GUCY1A2: variants seen among roughly 807,000 people sequenced by gnomAD.
The protein encoded by GUCY1A2 is guanylate cyclase soluble subunit alpha-2.
GUCY1A2 carries 27 observed loss-of-function variants against 63.5 expected under a neutral mutation model. That is an observed-to-expected ratio of 0.43 (90% CI 0.31 to 0.59). GUCY1A2 has a LOEUF of 0.59. Among genes scored for constraint, GUCY1A2 ranks in the 20% least tolerant of loss-of-function variants. The probability of loss-of-function intolerance (pLI) is 0.11; values close to 1 mark genes in which losing one functional copy is unlikely to be tolerated. For missense variants in GUCY1A2, 768 were observed against 913.3 expected (o/e 0.84, Z 2.05); for synonymous variants, 364 against 343.5 (o/e 1.06, Z -0.66).
rs367704243 is a variant in GUCY1A2 at position 106,795,362 on chromosome 11, A to T, written c.1692+14631T>A. On this transcript the variant is annotated intron_variant, in intron 5 of 7. Transcript: ENST00000526355. Reference sequence around the variant, plus strand: ...ATGAGGCGATGACACTAATTATGGAATTTGGTAAGGGAAAAAGAGAGAAGC... The same window carrying T: ...ATGAGGCGATGACACTAATTATGGATTTTGGTAAGGGAAAAAGAGAGAAGC... Among the ~76,000 whole-genome samples, 4 of 152,308 alleles carry T rather than the reference A, an allele frequency of 2.6e-5. No homozygotes were observed. In the East Asian group the frequency reaches 5.8e-4, roughly 22 times the overall value.
At chr11:106,734,549 C>T (rs1425673376) in intron 6 of GUCY1A2, among the ~76,000 whole-genome samples, 7 of 152,052 alleles carry the variant, frequency 4.6e-5, no homozygotes, top group Non-Finnish European at 8.8e-5. Flanking sequence ...CTTAGTATTT[C>T]CTTTAACAAC....
chr11:106,798,487 T>C (rs1864809434), intron 5 of GUCY1A2, among the ~76,000 whole-genome samples: 1 of 152,122 alleles, frequency 6.6e-6, no homozygotes, highest in Non-Finnish European at 1.5e-5. Flanking sequence ...ACCAATATCC[T>C]TGATGAACAT....
At chr11:106,722,526 A>C (rs774098560) in intron 6 of GUCY1A2, among the ~76,000 whole-genome samples, 1 of 152,114 alleles carries the variant, frequency 6.6e-6, no homozygotes, top group Non-Finnish European at 1.5e-5. Context: ...ACAAAATAAA[A>C]GAATAATAGA....
rs1862443311 is a variant in GUCY1A2 at position 106,682,161 on chromosome 11, C to T, written c.*5388G>A. The T allele has an allele frequency of 4.8e-6, 1 of 209,352 alleles. No individual in the cohort carries two copies. Among genetic ancestry groups the T allele is most frequent in the African/African-American group, 2.3e-5 (1 of 42,576 alleles). 13.0% of individuals were successfully genotyped at this position (209,352 alleles called of 1,614,324 possible). A position where few individuals can be genotyped will look rare whatever the true frequency, so the allele number is the denominator to read the frequency against. ...GTCTCTAAGTTTGAAGATTCATGCT[C>T]AGAAAGAAGACCACAAATTGGAAAT... On this transcript the variant is annotated 3_prime_UTR_variant, in exon 8 of 8. Coordinates refer to ENST00000526355, the MANE Select transcript of GUCY1A2 (RefSeq NM_000855.3).
chr11:106,967,700 CAGGAAGGA>C, intron 3 of GUCY1A2, among the ~76,000 whole-genome samples: 1 of 115,076 alleles, frequency 8.7e-6, no homozygotes. Flanking sequence ...AAAAGGGAGG[CAGGAAGGA>C]AGGAAGGAAT....
chr11:106,685,493 A>G lies in GUCY1A2; in HGVS notation c.*2056T>C, dbSNP rs925200281. On this transcript the variant is annotated 3_prime_UTR_variant, in exon 8 of 8. Transcript: ENST00000526355. ...GGAAGTCCCTTTCAGCCTTATGGTT[A>G]CAAAACACATTGTTCATCACCAACA... 3 of 224,708 alleles carry G rather than the reference A, an allele frequency of 1.3e-5. No homozygotes were observed. The highest frequency in any genetic ancestry group is 4.5e-5 in the African/African-American group (2 of 44,866). The allele number at this position is 224,708 out of a possible 1,614,324, so 13.9% of individuals were successfully genotyped here.
intron 4 of GUCY1A2, among the ~76,000 whole-genome samples, chr11:106,924,836 C>A (rs1166926106): frequency 1.3e-5 from 2 of 151,952 alleles, no homozygotes; most frequent in Non-Finnish European, 2.9e-5. Context: ...GAAACCCCAT[C>A]TCTACAAAAA....
At chr11:106,780,984 A>G (rs1170769592) in intron 5 of GUCY1A2, among the ~76,000 whole-genome samples, 1 of 152,120 alleles carries the variant, frequency 6.6e-6, no homozygotes, top group Non-Finnish European at 1.5e-5. Context: ...ATTCCTTCAA[A>G]GTAATTAGTG....
intron 3 of GUCY1A2, among the ~76,000 whole-genome samples, chr11:106,972,765 T>A (rs1351153830): frequency 6.6e-6 from 1 of 152,104 alleles, no homozygotes; most frequent in Non-Finnish European, 1.5e-5. Flanking sequence ...AAGGTATCCT[T>A]CAATCAATGA....
intron 1 of GUCY1A2, among the ~76,000 whole-genome samples, chr11:107,011,639 T>A (rs1480178472): frequency 6.8e-6 from 1 of 147,222 alleles, no homozygotes; most frequent in Non-Finnish European, 1.5e-5. Context: ...TATATAATAC[T>A]ATAATATATA....
At chr11:106,877,128 C>G (rs1859760969) in intron 4 of GUCY1A2, among the ~76,000 whole-genome samples, 1 of 152,042 alleles carries the variant, frequency 6.6e-6, no homozygotes, top group Non-Finnish European at 1.5e-5. Flanking sequence ...TTCAGCTTGA[C>G]TACTGTTGTA....
intron 5 of GUCY1A2, among the ~76,000 whole-genome samples, chr11:106,793,044 T>C (rs1422623791): frequency 1.3e-5 from 2 of 152,120 alleles, no homozygotes; most frequent in East Asian, 3.8e-4. Context: ...CTAAAATTCA[T>C]ATATAACTAC....
At chr11:106,980,952 A>T (rs1861326949) in intron 2 of GUCY1A2, among the ~76,000 whole-genome samples, 1 of 152,124 alleles carries the variant, frequency 6.6e-6, no homozygotes, top group South Asian at 2.1e-4. Context: ...TTTTCTCTCA[A>T]CCTCAATTTC....
intron 6 of GUCY1A2, among the ~76,000 whole-genome samples, chr11:106,769,216 C>T (rs1317150399): frequency 6.6e-6 from 1 of 152,124 alleles, no homozygotes; most frequent in Non-Finnish European, 1.5e-5. Flanking sequence ...ATGTAATAGA[C>T]TGCAGGAGTT....
chr11:106,761,392 G>T (rs1446773917), intron 6 of GUCY1A2, among the ~76,000 whole-genome samples: 1 of 152,058 alleles, frequency 6.6e-6, no homozygotes, highest in African/African-American at 2.4e-5. Context: ...AAGAAGGATG[G>T]GTGTCTTAGC....
chr11:106,707,338 T>A (rs1407038945), intron 7 of GUCY1A2, among the ~76,000 whole-genome samples: 3 of 152,068 alleles, frequency 2.0e-5, no homozygotes, highest in African/African-American at 7.2e-5. Context: ...AATATCACTA[T>A]TTTATTTATT....
chr11:107,010,645 T>C (rs550412038), intron 1 of GUCY1A2, among the ~76,000 whole-genome samples: 4 of 151,872 alleles, frequency 2.6e-5, no homozygotes, highest in African/African-American at 9.7e-5. Flanking sequence ...GAACTAAATA[T>C]ACCACCAAAA....
intron 4 of GUCY1A2, among the ~76,000 whole-genome samples, chr11:106,869,802 C>T (rs1416136792): frequency 2.6e-5 from 4 of 152,254 alleles, no homozygotes; most frequent in East Asian, 1.9e-4. Context: ...AAGACACATG[C>T]ACATGTATGT....
At chr11:106,744,152 A>G (rs1166005366) in intron 6 of GUCY1A2, among the ~76,000 whole-genome samples, 2 of 152,224 alleles carry the variant, frequency 1.3e-5, no homozygotes, top group Non-Finnish European at 2.9e-5. Context: ...AAGAGTACTG[A>G]AAACAAGAAA....
Sources: gnomAD v4.1 joint callset for allele counts (sites outside exome capture counted in the v4.1 genomes callset) on GRCh38, gnomAD v4.1.1 for gene constraint, MANE v1.5 for transcripts, NCBI Gene and HGNC (gene_info 2026-07-23, HGNC 2026-07-21) for gene names.